Variants in MYO18B observed in about 807,000 individuals in gnomAD.
The protein encoded by MYO18B is unconventional myosin-XVIIIb.
MYO18B carries 204 observed loss-of-function variants against 273.0 expected under a neutral mutation model. The observed-to-expected ratio is 0.75, with a 90% CI of 0.67 to 0.84. The LOEUF is 0.84. Ranked by LOEUF, MYO18B falls within the 40% of genes least tolerant of loss-of-function variation. The pLI is 0.00. For synonymous variants in MYO18B, 1,330 were observed against 1,305.7 expected, an observed-to-expected ratio of 1.02 and a Z score of -0.40; for missense variants, 3,212 against 3,287.6, an observed-to-expected ratio of 0.98 and a Z score of 0.56.
At chr22:25,957,844 G>A (rs2146662436) in intron 39 of MYO18B, among the ~76,000 whole-genome samples, 1 of 151,576 alleles carries the variant, frequency 6.6e-6, no homozygotes, top group East Asian at 1.9e-4. Flanking sequence ...TGGATTCAGG[G>A]CTCACTCTAA....
intron 21 of MYO18B, among the ~76,000 whole-genome samples, chr22:25,864,266 A>G (rs947220725): frequency 1.3e-5 from 2 of 152,168 alleles, no homozygotes; most frequent in Non-Finnish European, 2.9e-5. Context: ...TCTTGAATAA[A>G]TGCTTCTCAT....
chr22:26,058,327 T>A, the MYO18B span, among the ~76,000 whole-genome samples: 1 of 151,822 alleles, frequency 6.6e-6, no homozygotes, highest in Non-Finnish European at 1.5e-5. Context: ...GATATGAGAA[T>A]GTGAGTGGGA....
chr22:25,990,818 T>C (rs1215245329), intron 39 of MYO18B, among the ~76,000 whole-genome samples: 1 of 151,226 alleles, frequency 6.6e-6, no homozygotes, highest in East Asian at 1.9e-4. Flanking sequence ...GGAATTGCGC[T>C]TTGACCCCAC....
At chr22:25,796,615 A>T (rs1416228795) in intron 11 of MYO18B, among the ~76,000 whole-genome samples, 2 of 150,080 alleles carry the variant, frequency 1.3e-5, no homozygotes, top group Non-Finnish European at 3.0e-5. Flanking sequence ...AAAAAAAAAA[A>T]TTAGCAGTTT....
intron 2 of MYO18B, 81 bp from the exon 3 acceptor site, chr22:25,763,150 C>T: frequency 1.3e-6 from 2 of 1,535,944 alleles, no homozygotes; most frequent in Non-Finnish European, 1.8e-6. Context: ...CCCTCCCAGG[C>T]TCCATCACAA....
chr22:25,882,984 C>T (rs1030487931), intron 25 of MYO18B, among the ~76,000 whole-genome samples: 4 of 152,164 alleles, frequency 2.6e-5, no homozygotes, highest in African/African-American at 9.7e-5. Context: ...GCAGCCTCAA[C>T]CTCCTGGGCT....
intron 22 of MYO18B, among the ~76,000 whole-genome samples, chr22:25,871,845 G>A (rs1339349360): frequency 6.6e-6 from 1 of 152,116 alleles, no homozygotes; most frequent in Non-Finnish European, 1.5e-5. Flanking sequence ...ATTCTGCAAA[G>A]GCTTATTCCC....
At chr22:25,757,111 T>TAG (rs1464335062) in intron 1 of MYO18B, among the ~76,000 whole-genome samples, 1 of 152,162 alleles carries the variant, frequency 6.6e-6, no homozygotes, top group Non-Finnish European at 1.5e-5. Flanking sequence ...TATAGTGCTA[T>TAG]AGAACACTAG....
the MYO18B span, among the ~76,000 whole-genome samples, chr22:26,045,972 C>T: frequency 6.6e-6 from 1 of 152,218 alleles, no homozygotes; most frequent in Admixed American, 6.5e-5. Flanking sequence ...ACAGGCATTT[C>T]ACCTCTCATT....
intron 36 of MYO18B, among the ~76,000 whole-genome samples, chr22:25,949,160 G>A (rs1029510400): frequency 2.0e-5 from 3 of 152,174 alleles, no homozygotes; most frequent in African/African-American, 7.2e-5. Context: ...AGTTGGAGAG[G>A]AGCAGCCAGC....
Position 25,902,751 on chromosome 22 carries a change from A to G in MYO18B, c.4947+15A>G, listed in dbSNP as rs1350384805. On this transcript the variant is annotated intron_variant, in intron 30 of 43. Transcript: ENST00000335473. ...AGCAGCTGAAGGTAAGGGATGGGGG[A>G]CACAGAGCTATCTTGGCTCTTGGTG... 2.5e-6 allele frequency: 4 copies of G among 1,569,272 alleles called. No homozygotes were observed. Among genetic ancestry groups the G allele is most frequent in the South Asian group, 1.2e-5 (1 of 85,200 alleles).
At chr22:26,058,924 G>A in the MYO18B span, among the ~76,000 whole-genome samples, 1 of 152,304 alleles carries the variant, frequency 6.6e-6, no homozygotes, top group South Asian at 2.1e-4. Flanking sequence ...CATGGACAAA[G>A]CTGAGATTTA....
chr22:25,752,778 C>G (rs1186933810), intron 1 of MYO18B, among the ~76,000 whole-genome samples: 1 of 152,252 alleles, frequency 6.6e-6, no homozygotes, highest in Non-Finnish European at 1.5e-5. Flanking sequence ...GAGCCCCTCT[C>G]TAGGCTGGCC....
chr22:26,007,460 T>C (rs752546608), intron 42 of MYO18B, among the ~76,000 whole-genome samples: 11 of 152,236 alleles, frequency 7.2e-5, no homozygotes, highest in East Asian at 3.9e-4. Context: ...ATCCAGGAGG[T>C]AGACCACTCA....
chr22:25,786,115 G>A (rs1478429824), intron 11 of MYO18B, among the ~76,000 whole-genome samples: 2 of 152,032 alleles, frequency 1.3e-5, no homozygotes, highest in African/African-American at 4.8e-5. Flanking sequence ...CCCTTCTCTC[G>A]CAAATACCTT....
At chr22:26,050,723 G>C in the MYO18B span, among the ~76,000 whole-genome samples, 1 of 152,308 alleles carries the variant, frequency 6.6e-6, no homozygotes, top group Non-Finnish European at 1.5e-5. Flanking sequence ...AGGATACTAA[G>C]AGTCCTTACC....
At chr22:25,918,286 G>A (rs540089911) in intron 33 of MYO18B, among the ~76,000 whole-genome samples, 21 of 152,244 alleles carry the variant, frequency 1.4e-4, no homozygotes, top group Admixed American at 1.2e-3. Flanking sequence ...TTTTAATAGT[G>A]TTTGGAGATT....
intron 15 of MYO18B, 108 bp from the exon 16 acceptor site, chr22:25,832,809 A>C: frequency 1.1e-6 from 1 of 916,406 alleles, no homozygotes; most frequent in Non-Finnish European, 1.7e-6. Context: ...GATTTTTTTA[A>C]AGGGCCAAGA....
chr22:25,905,055 T>TAA (rs3216855), intron 31 of MYO18B, among the ~76,000 whole-genome samples: 14 of 151,588 alleles, frequency 9.2e-5, no homozygotes, highest in African/African-American at 2.7e-4. Flanking sequence ...GTGTTTTTTT[T>TAA]AAAAAAAATG....
Sources: allele counts gnomAD v4.1 joint callset (sites outside exome capture counted in the v4.1 genomes callset), GRCh38; gene constraint gnomAD v4.1.1; transcripts MANE v1.5; gene names NCBI Gene and HGNC (gene_info 2026-07-23, HGNC 2026-07-21).